HEXA: variants seen among roughly 807,000 people sequenced by gnomAD.
The protein encoded by HEXA is beta-hexosaminidase subunit alpha.
Under a neutral mutation model 73.3 loss-of-function variants are expected in HEXA, and 54 were observed. That is an observed-to-expected ratio of 0.74 (90% CI 0.59 to 0.92). The LOEUF is 0.92. Ranked by LOEUF, HEXA falls within the 40% of genes least tolerant of loss-of-function variation. The probability of loss-of-function intolerance (pLI) is 0.00; values close to 1 mark genes in which losing one functional copy is unlikely to be tolerated. For missense variants in HEXA, 649 were observed against 653.0 expected (o/e 0.99, Z 0.07); for synonymous variants, 230 against 246.9 (o/e 0.93, Z 0.64).
At chr15:72,360,774 T>C (rs2088842899) in intron 1 of HEXA, among the ~76,000 whole-genome samples, 1 of 152,210 alleles carries the variant, frequency 6.6e-6, no homozygotes. Context: ...GCTGCAGGCC[T>C]TCTCTAGGCA....
rs1450197703 is a variant in HEXA at position 72,342,732 on chromosome 15, GA to G, written c.*1344del. On this transcript the variant is annotated 3_prime_UTR_variant, in exon 14 of 14. Coordinates refer to ENST00000268097, the MANE Select transcript of HEXA (RefSeq NM_000520.6). The stretch of plus-strand genomic sequence containing the variant: ...GGCTGAAAATGGTTGGGAGGAGGGG[GA>G]TGGAAGTCGCCTACGTTATTTTGGA... The G allele has an allele frequency of 6.6e-6, 1 of 152,278 alleles. No individual in the cohort carries two copies. The highest frequency in any genetic ancestry group is 2.4e-5 in the African/African-American group (1 of 41,458). The allele number at this position is 152,278 out of a possible 1,614,324, so 9.4% of individuals were successfully genotyped here. A position where few individuals can be genotyped will look rare whatever the true frequency, so the allele number is the denominator to read the frequency against.
At position 72,375,723 on chromosome 15, in the gene HEXA, T is replaced by C. The variant is rs775695266; in HGVS notation, c.250A>G (p.Thr84Ala). 3.1e-6 allele frequency: 5 copies of C among 1,613,954 alleles called. No homozygotes were observed. Among genetic ancestry groups the C allele is most frequent in the Non-Finnish European group, 4.2e-6 (5 of 1,179,968 alleles). Residue 84 changes from threonine (T) to alanine (A), a missense_variant, in exon 1 of 14, where the codon ACA (threonine) becomes GCA (alanine). Transcript: ENST00000268097. ...GSGSWPRPYL[T>A]GKRHTLEKNV... ...GGGCGGGACAAGTCCGACTCACCTG[T>C]GAGGTAAGGACGGGGCCAAGACCCG... is the stretch of plus-strand genomic sequence containing the variant.
At chr15:72,349,038 C>T (rs753217976) in intron 8 of HEXA, 41 bp downstream of exon 8, 3 of 1,553,396 alleles carry the variant, frequency 1.9e-6, no homozygotes, top group South Asian at 1.1e-5. Flanking sequence ...TCTGAGTAAG[C>T]AACTGATCAG....
chr15:72,348,077 G>A lies in HEXA; in HGVS notation c.1044C>T (p.Phe348=). 6.2e-7 allele frequency: 1 copy of A among 1,612,652 alleles called. No homozygotes were observed. Among genetic ancestry groups the A allele is most frequent in the Non-Finnish European group, 8.5e-7 (1 of 1,178,838 alleles). Residue 348 remains phenylalanine, a synonymous_variant, in exon 9 of 14, where the codon TTC becomes TTT. Coordinates refer to ENST00000268097, the MANE Select transcript of HEXA (RefSeq NM_000520.6). ...FMRKKGFGED[F]KQLESFYIQT... ...GGATGTAGAAGGACTCCAGCTGCTT[G>A]AAGTCCTCACCGAAGCCTTTCTTCC... is the stretch of plus-strand genomic sequence containing the variant.
chr15:72,373,954 G>A (rs540247815), intron 1 of HEXA, among the ~76,000 whole-genome samples: 1 of 148,946 alleles, frequency 6.7e-6, no homozygotes, highest in East Asian at 2.0e-4. Flanking sequence ...AGCCAAGATC[G>A]TATCACTGCA....
At chr15:72,350,140 G>A in intron 7 of HEXA, 1 of 330,530 alleles carries the variant, frequency 3.0e-6, no homozygotes, top group South Asian at 2.6e-5. Context: ...CACACTGGAG[G>A]GCTGAGGGTA....
chr15:72,349,282 A>G (rs776785471), intron 7 of HEXA, 23 bp from the exon 8 acceptor site: 1 of 1,598,060 alleles, frequency 6.3e-7, no homozygotes, highest in South Asian at 1.1e-5. Context: ...AAAACCCCAT[A>G]TGAGTGTCAC....
rs1248274577 is a variant in HEXA, at chr15:72,375,235, C to A, written c.253+485G>T. Among the ~76,000 whole-genome samples the A allele has an allele frequency of 2.0e-5, 3 of 152,008 alleles. No homozygotes were observed. The East Asian group carries it at 5.8e-4, about 29-fold the overall frequency. ...TCCCGAGTAGCTGGGACTACAGGCGCGCGCCGCCACGCCTGGCTAATTTTT... is the reference window on the plus strand; with the variant it reads ...TCCCGAGTAGCTGGGACTACAGGCGAGCGCCGCCACGCCTGGCTAATTTTT... On this transcript the variant is annotated intron_variant, in intron 1 of 13. Transcript: ENST00000268097.
At chr15:72,368,570 G>A (rs1424242694) in intron 1 of HEXA, among the ~76,000 whole-genome samples, 1 of 152,176 alleles carries the variant, frequency 6.6e-6, no homozygotes, top group Non-Finnish European at 1.5e-5. Flanking sequence ...CAATAAGACA[G>A]TTTTGCCCCA....
intron 9 of HEXA, 102 bp downstream of exon 9, chr15:72,347,946 A>C: frequency 1.0e-6 from 1 of 997,942 alleles, no homozygotes; most frequent in Non-Finnish European, 1.6e-6. Flanking sequence ...GGAACCCTGC[A>C]GGGACCAGAC....
chr15:72,353,478 C>T (rs956624620), intron 4 of HEXA, among the ~76,000 whole-genome samples: 1 of 152,172 alleles, frequency 6.6e-6, no homozygotes, highest in African/African-American at 2.4e-5. Flanking sequence ...AAGGTCATTA[C>T]TAAATGATGA....
At position 72,343,940 on chromosome 15, in the gene HEXA, C is replaced by T. The variant is rs1291384485; in HGVS notation, c.*137G>A. Reference sequence around the variant, plus strand: ...TATTGAATGCGAGCGCCAGCACCGGCCCCTTTCTCTCCAAGCACAGGGGCA... The same window carrying T: ...TATTGAATGCGAGCGCCAGCACCGGTCCCTTTCTCTCCAAGCACAGGGGCA... On this transcript the variant is annotated 3_prime_UTR_variant, in exon 14 of 14. Coordinates refer to ENST00000268097, the MANE Select transcript of HEXA (RefSeq NM_000520.6). 2 of 725,276 alleles carry T rather than the reference C, an allele frequency of 2.8e-6. No individual in the cohort carries two copies. Among genetic ancestry groups the T allele is most frequent in the Non-Finnish European group, 5.0e-6 (2 of 399,412 alleles). 44.9% of individuals were successfully genotyped at this position (725,276 alleles called of 1,614,324 possible). A position where few individuals can be genotyped will look rare whatever the true frequency, so the allele number is the denominator to read the frequency against.
At chr15:72,370,629 C>T (rs967063736) in intron 1 of HEXA, 18 of 391,540 alleles carry the variant, frequency 4.6e-5, no homozygotes, top group African/African-American at 6.4e-5. Context: ...TCCTGGAGTT[C>T]GAGGTTGCTG....
At chr15:72,358,497 C>A (rs1199403432) in intron 1 of HEXA, 1 of 152,204 alleles carries the variant, frequency 6.6e-6, no homozygotes, top group Non-Finnish European at 1.5e-5. Flanking sequence ...CTAAAAGACA[C>A]CTGCACTGTA....
intron 8 of HEXA, among the ~76,000 whole-genome samples, chr15:72,348,340 A>C (rs889732436): frequency 6.6e-6 from 1 of 152,244 alleles, no homozygotes; most frequent in African/African-American, 2.4e-5. Flanking sequence ...AGAAAGGCTG[A>C]GTCTGGACCT....
intron 1 of HEXA, chr15:72,358,311 C>T (rs2088811484): frequency 6.6e-6 from 1 of 152,202 alleles, no homozygotes; most frequent in African/African-American, 2.4e-5. Context: ...AGTTCTAATC[C>T]TCTGGGGCTC....
intron 8 of HEXA, 25 bp downstream of exon 8, chr15:72,349,054 A>G: frequency 6.3e-7 from 1 of 1,597,596 alleles, no homozygotes; most frequent in Non-Finnish European, 8.6e-7. Flanking sequence ...ATCAGGCCAC[A>G]GTGGGAAGAT....
At chr15:72,355,279 A>C (rs1342303394) in intron 3 of HEXA, 3 of 448,952 alleles carry the variant, frequency 6.7e-6, no homozygotes, top group Non-Finnish European at 8.3e-6. Flanking sequence ...TAATCCCAGA[A>C]CTTTGGGAGG....
At position 72,341,757 on chromosome 15, in the gene HEXA, G is replaced by A. The variant is rs1015685253; in HGVS notation, c.*2320C>T. On this transcript the variant is annotated 3_prime_UTR_variant, in exon 14 of 14. Transcript: ENST00000268097. ...CACTGCAGTTGACCTGTTGGCATTC[G>A]AGGTCTGACGACCTTCAGGTAAATG... 1.3e-5 allele frequency: 2 copies of A among 152,182 alleles called. No individual in the cohort carries two copies. Among genetic ancestry groups the A allele is most frequent in the African/African-American group, 4.8e-5 (2 of 41,434 alleles). The allele number at this position is 152,182 out of a possible 1,614,324, so 9.4% of individuals were successfully genotyped here. A position where few individuals can be genotyped will look rare whatever the true frequency, so the allele number is the denominator to read the frequency against.
Sources: allele counts gnomAD v4.1 joint callset (sites outside exome capture counted in the v4.1 genomes callset), GRCh38; gene constraint gnomAD v4.1.1; transcripts MANE v1.5; gene names NCBI Gene and HGNC (gene_info 2026-07-23, HGNC 2026-07-21).